AMPD3: variants seen among roughly 807,000 people sequenced by gnomAD.
AMPD3 encodes AMP deaminase 3.
AMPD3 carries 57 observed loss-of-function variants against 82.3 expected under a neutral mutation model. That is an observed-to-expected ratio of 0.69 (90% CI 0.56 to 0.86). AMPD3 has a LOEUF of 0.86. AMPD3 is among the 40% of genes least tolerant of loss of function. AMPD3 has a pLI of 0.00. For missense variants in AMPD3, 870 were observed against 1,003.8 expected, an observed-to-expected ratio of 0.87 and a Z score of 1.80; for synonymous variants, 381 against 394.7, an observed-to-expected ratio of 0.97 and a Z score of 0.41.
At chr11:10,496,125 C>A in intron 9 of AMPD3, 6 of 631,232 alleles carry the variant, frequency 9.5e-6, no homozygotes, top group Non-Finnish European at 1.2e-5. Flanking sequence ...CCATCTTGGC[C>A]AGGCTGGTCT....
At position 10,482,023 on chromosome 11, in the gene AMPD3, C is replaced by T. The variant is rs535160281; in HGVS notation, c.427-40C>T. The stretch of plus-strand genomic sequence containing the variant: ...CTTTCCAAGGATGGCAGTCTCAGGC[C>T]TGCTGCATGAACCCTTTCCTGCCTG... On this transcript the variant is annotated intron_variant, in intron 3 of 14. Coordinates refer to ENST00000396553, the MANE Select transcript of AMPD3 (RefSeq NM_001025389.2). The T allele has an allele frequency of 3.7e-6, 6 of 1,613,224 alleles. No homozygotes were observed. The East Asian group carries it at 1.1e-4, about 30-fold the overall frequency.
intron 2 of AMPD3, 126 bp from the exon 3 acceptor site, chr11:10,478,400 T>C (rs985916972): frequency 3.0e-5 from 47 of 1,578,360 alleles, no homozygotes; most frequent in Admixed American, 8.4e-5. Context: ...AACTTCTTAA[T>C]GGTAGGGCCA....
At chr11:10,490,704 AC>A in intron 6 of AMPD3, 2 of 960,914 alleles carry the variant, frequency 2.1e-6, no homozygotes, top group Non-Finnish European at 2.5e-6. Context: ...GGACAGGCTG[AC>A]CCCCCTGTGG....
At chr11:10,503,029 G>A (rs1180490147) in intron 13 of AMPD3, 135 bp downstream of exon 13, 6 of 1,029,524 alleles carry the variant, frequency 5.8e-6, no homozygotes, top group Non-Finnish European at 1.5e-6. Flanking sequence ...AGGCAGGAAG[G>A]AAGCCACTGT....
intron 6 of AMPD3, among the ~76,000 whole-genome samples, chr11:10,492,754 G>A (rs1168076530): frequency 6.6e-6 from 1 of 152,206 alleles, no homozygotes; most frequent in East Asian, 1.9e-4. Context: ...TGGGATGCCT[G>A]TGCCAGGTTT....
intron 1 of AMPD3, 92 bp downstream of exon 1, chr11:10,455,540 A>T (rs1848068443): frequency 1.4e-6 from 1 of 693,472 alleles, no homozygotes; most frequent in Non-Finnish European, 1.8e-6. Flanking sequence ...GGTTCTGGTA[A>T]AGCTTATCAG....
At position 10,504,620 on chromosome 11, in the gene AMPD3, C is replaced by A. The variant is rs533012852; in HGVS notation, c.2088C>A (p.Ile696=). 16 of 1,614,022 alleles carry A rather than the reference C, an allele frequency of 9.9e-6. No individual in the cohort carries two copies. In the African/African-American group the frequency reaches 2.0e-4, roughly 20 times the overall value. ...WKLSTCDLCE[I]ARNSVLQSGL... Reference sequence around the variant, plus strand: ...TGAGCACCTGCGACCTGTGTGAGATCGCCAGGAACAGCGTGCTGCAGAGCG... The same window carrying A: ...TGAGCACCTGCGACCTGTGTGAGATAGCCAGGAACAGCGTGCTGCAGAGCG... Residue 696 remains isoleucine, a synonymous_variant, in exon 14 of 15, where the codon ATC becomes ATA. Transcript: ENST00000396553.
In AMPD3 at chr11:10,480,024, A is replaced by G. The variant is rs1848855937; in HGVS notation, c.426+1294A>G. On this transcript the variant is annotated intron_variant, in intron 3 of 14. Transcript: ENST00000396553. ...GTCGAGGTGGGTCGGCCACCAGCTG[A>G]ATGGGAGGATGTCAGCCTGTAGCAT... is the stretch of plus-strand genomic sequence containing the variant. 2.7e-5 allele frequency: 25 copies of G among 926,036 alleles called. No homozygotes were observed. In the South Asian group the frequency reaches 1.0e-3, roughly 39 times the overall value. The allele number at this position is 926,036 out of a possible 1,614,324, so 57.4% of individuals were successfully genotyped here. A position where few individuals can be genotyped will look rare whatever the true frequency, so the allele number is the denominator to read the frequency against.
rs528692924 is a variant in AMPD3 at position 10,475,686 on chromosome 11, G to A, written c.222-2840G>A. 3.3e-5 allele frequency among the ~76,000 whole-genome samples: 5 copies of A among 152,250 alleles called. No individual in the cohort carries two copies. The East Asian group carries it at 5.8e-4, about 18-fold the overall frequency. ...AGGCCTGATTTAATCCCATGAGCCC[G>A]TAAAAATAGAGAGCTTTCTGAGTGT... On this transcript the variant is annotated intron_variant, in intron 2 of 14. Transcript: ENST00000396553.
intron 10 of AMPD3, 27 bp from the exon 11 acceptor site, chr11:10,500,059 C>A: frequency 6.2e-7 from 1 of 1,614,136 alleles, no homozygotes; most frequent in Non-Finnish European, 8.5e-7. Context: ...CTGCCTTGGC[C>A]TGGTGCTCAG....
rs1849020026 is a variant in AMPD3, at chr11:10,484,903, C to CA, written c.674dup (p.Ile228HisfsTer6). On this transcript the variant is annotated frameshift_variant, in exon 5 of 15. Coordinates refer to ENST00000396553, the MANE Select transcript of AMPD3 (RefSeq NM_001025389.2). LOFTEE classifies it high-confidence loss of function. ...CAACCTGGATTACTTGGTCCACATG[C>CA]AGGGGGGCATCCTCTTTGTGTATGA... 2 of 1,613,972 alleles carry CA rather than the reference C, an allele frequency of 1.2e-6. No homozygotes were observed. Among genetic ancestry groups the CA allele is most frequent in the African/African-American group, 2.7e-5 (2 of 74,864 alleles).
At chr11:10,455,965 G>C (rs1848081138) in intron 1 of AMPD3, 9 of 985,308 alleles carry the variant, frequency 9.1e-6, no homozygotes, top group African/African-American at 1.7e-5. Context: ...CTTTCAGGAG[G>C]AGGCTGGGCG....
At chr11:10,477,774 C>A (rs749090840) in intron 2 of AMPD3, 1 of 637,628 alleles carries the variant, frequency 1.6e-6, no homozygotes, top group Non-Finnish European at 2.0e-6. Flanking sequence ...GGTGGAGCAG[C>A]CACTGTGCCA....
intron 1 of AMPD3, among the ~76,000 whole-genome samples, chr11:10,459,798 G>A (rs991854862): frequency 6.6e-6 from 1 of 151,908 alleles, no homozygotes; most frequent in Non-Finnish European, 1.5e-5. Context: ...TGGGTGAGGG[G>A]ACAGAGGCAG....
At chr11:10,453,839 G>A (rs1848020103), upstream of AMPD3, among the ~76,000 whole-genome samples, 1 of 151,946 alleles carries the variant, frequency 6.6e-6, no homozygotes, top group Non-Finnish European at 1.5e-5. Context: ...CACCTGCCTC[G>A]GGCTCCCAAA....
chr11:10,474,879 A>G (rs1391975433), intron 2 of AMPD3, among the ~76,000 whole-genome samples: 1 of 152,174 alleles, frequency 6.6e-6, no homozygotes, highest in Non-Finnish European at 1.5e-5. Flanking sequence ...CCCAGGGGCT[A>G]GTGCAAGGTG....
chr11:10,496,622 C>T, intron 9 of AMPD3, 190 bp from the exon 10 acceptor site: 2 of 1,444,360 alleles, frequency 1.4e-6, no homozygotes, highest in Non-Finnish European at 1.8e-6. Context: ...AGCTTGCAAA[C>T]CAAGGCAGAA....
In AMPD3 at chr11:10,489,800, C is replaced by G. The variant is rs193169200; in HGVS notation, c.939+2436C>G. On this transcript the variant is annotated intron_variant, in intron 6 of 14. Coordinates refer to ENST00000396553, the MANE Select transcript of AMPD3 (RefSeq NM_001025389.2). ...GGTTCAAGTGATTCTCCTGCCTCAGCCTCCCGAGTAGCTGGGATTATAGGT... is the reference window on the plus strand; with the variant it reads ...GGTTCAAGTGATTCTCCTGCCTCAGGCTCCCGAGTAGCTGGGATTATAGGT... Among the ~76,000 whole-genome samples, 12 of 152,242 alleles carry G rather than the reference C, an allele frequency of 7.9e-5. 1 individual carries two copies. The East Asian group carries it at 2.3e-3, about 29-fold the overall frequency.
upstream of AMPD3, chr11:10,455,156 G>A (rs1848055987): frequency 1.0e-6 from 1 of 985,308 alleles, no homozygotes; most frequent in Non-Finnish European, 1.2e-6. Flanking sequence ...CTTCTCCCCA[G>A]GATTTCAACA....
Sources: allele counts gnomAD v4.1 joint callset (sites outside exome capture counted in the v4.1 genomes callset), GRCh38; gene constraint gnomAD v4.1.1; transcripts MANE v1.5; gene names NCBI Gene and HGNC (gene_info 2026-07-23, HGNC 2026-07-21).